The following GABRA4 variants were observed in gnomAD, a reference collection of about 807,000 sequenced individuals.
The protein encoded by GABRA4 is gamma-aminobutyric acid type A receptor subunit alpha4.
Under a neutral mutation model 49.7 loss-of-function variants are expected in GABRA4, and 12 were observed. The observed-to-expected ratio is 0.24, with a 90% CI of 0.15 to 0.39. GABRA4 has a LOEUF of 0.39. Among genes scored for constraint, GABRA4 ranks in the 10% least tolerant of loss-of-function variants. GABRA4 has a pLI of 1.00. For synonymous variants in GABRA4, 288 were observed against 240.2 expected, an observed-to-expected ratio of 1.20 and a Z score of -1.84; for missense variants, 506 against 686.0, an observed-to-expected ratio of 0.74 and a Z score of 2.93.
chr4:46,928,900 C>A, intron 8 of GABRA4, 145 bp from the exon 9 acceptor site: 4 of 586,856 alleles, frequency 6.8e-6, no homozygotes, highest in Non-Finnish European at 1.2e-5. Context: ...ATTTTAAAAA[C>A]CTTTAAAATA....
intron 2 of GABRA4, among the ~76,000 whole-genome samples, chr4:46,981,326 A>G (rs372590031): frequency 2.6e-5 from 4 of 152,120 alleles, no homozygotes; most frequent in African/African-American, 9.7e-5. Flanking sequence ...TAATTCTTAT[A>G]GTTCTATAGT....
intron 8 of GABRA4, among the ~76,000 whole-genome samples, chr4:46,958,435 T>C (rs183944638): frequency 8.2e-4 from 124 of 152,114 alleles, no homozygotes; most frequent in East Asian, 2.7e-3. Context: ...TTTAAAAATA[T>C]CATTTCATTA....
intron 8 of GABRA4, among the ~76,000 whole-genome samples, chr4:46,954,009 GC>G (rs150859520): frequency 0.014 from 2,069 of 152,176 alleles, 40 homozygotes; most frequent in African/African-American, 0.047. Context: ...ACCTTTCTGT[GC>G]CTCAATTTTC....
intron 5 of GABRA4, among the ~76,000 whole-genome samples, chr4:46,975,369 C>T (rs961207495): frequency 2.0e-5 from 3 of 151,968 alleles, no homozygotes; most frequent in African/African-American, 4.8e-5. Flanking sequence ...AATATATTCA[C>T]ACTTCAGTAA....
chr4:46,928,460 T>G lies in GABRA4; in HGVS notation c.1430A>C (p.His477Pro). ...KASVGSASTRHVFGSRLQRIK... is the reference protein window; with the variant it reads ...KASVGSASTRPVFGSRLQRIK... ...CCTCTGCAGTCTTGATCCAAACACG[T>G]GACGAGTAGAAGCAGATCCAACTGA... The change falls in exon 9 of 9, where the codon CAC (histidine) becomes CCC (proline). Residue 477 changes from histidine to proline, a missense_variant. His to Pro is a moderately conservative substitution (Grantham distance 77). Transcript: ENST00000264318. 1 of 1,613,654 alleles carries G rather than the reference T, an allele frequency of 6.2e-7. No homozygotes were observed. The highest frequency in any genetic ancestry group is 8.5e-7 in the Non-Finnish European group (1 of 1,179,722).
At chr4:46,946,177 G>A (rs983270800) in intron 8 of GABRA4, among the ~76,000 whole-genome samples, 1 of 152,130 alleles carries the variant, frequency 6.6e-6, no homozygotes, top group Non-Finnish European at 1.5e-5. Flanking sequence ...TGACCAGGCA[G>A]TCTCACTGAA....
At chr4:46,984,341 A>G (rs1488677651) in intron 2 of GABRA4, among the ~76,000 whole-genome samples, 1 of 152,102 alleles carries the variant, frequency 6.6e-6, no homozygotes, top group Non-Finnish European at 1.5e-5. Flanking sequence ...AAGGAATCCT[A>G]ACTGAAATAC....
intron 5 of GABRA4, among the ~76,000 whole-genome samples, chr4:46,974,835 C>A (rs1723084233): frequency 6.6e-6 from 1 of 151,910 alleles, no homozygotes; most frequent in Admixed American, 6.6e-5. Context: ...CAAAACCAAA[C>A]AAATCCTACT....
At chr4:46,955,386 T>C (rs1722304810) in intron 8 of GABRA4, among the ~76,000 whole-genome samples, 1 of 152,100 alleles carries the variant, frequency 6.6e-6, no homozygotes, top group Admixed American at 6.6e-5. Context: ...GTGACATTAT[T>C]GCCAATGATT....
intron 8 of GABRA4, among the ~76,000 whole-genome samples, chr4:46,953,279 G>T (rs1209540492): frequency 6.6e-6 from 1 of 151,860 alleles, no homozygotes; most frequent in Non-Finnish European, 1.5e-5. Flanking sequence ...ACCCCCTAAA[G>T]CTCAGCATGC....
At chr4:46,977,178 C>CT in intron 4 of GABRA4, 35 bp from the exon 5 acceptor site, 1 of 1,369,884 alleles carries the variant, frequency 7.3e-7, no homozygotes, top group Non-Finnish European at 1.0e-6. Flanking sequence ...AAAATCAACC[C>CT]TTTTAAAGAA....
chr4:46,967,094 C>T (rs984220401), intron 7 of GABRA4, among the ~76,000 whole-genome samples: 1 of 151,572 alleles, frequency 6.6e-6, no homozygotes, highest in African/African-American at 2.4e-5. Flanking sequence ...AAATGTTTTT[C>T]TTGTTCATAA....
At chr4:46,945,191 T>C (rs1053655750) in intron 8 of GABRA4, among the ~76,000 whole-genome samples, 6 of 152,118 alleles carry the variant, frequency 3.9e-5, no homozygotes, top group Non-Finnish European at 5.9e-5. Flanking sequence ...TAATGGACTG[T>C]TTAATGAGTC....
In GABRA4 at chr4:46,924,397, T is replaced by A. The variant is rs564066583; in HGVS notation, c.*3828A>T. On this transcript the variant is annotated 3_prime_UTR_variant, in exon 9 of 9. Transcript: ENST00000264318. ...TAGTTTTGGCCCTGCTGTATTCTAC[T>A]GAAGCATTAGTTACATCCCATAATT... 3 of 152,192 alleles carry A rather than the reference T, an allele frequency of 2.0e-5. No individual in the cohort carries two copies. The highest frequency in any genetic ancestry group is 7.2e-5 in the African/African-American group (3 of 41,546). 9.4% of individuals were successfully genotyped at this position (152,192 alleles called of 1,614,324 possible).
chr4:46,951,714 T>C, intron 8 of GABRA4, among the ~76,000 whole-genome samples: 1 of 151,902 alleles, frequency 6.6e-6, no homozygotes, highest in East Asian at 1.9e-4. Flanking sequence ...TATAATAAAA[T>C]ACTAGGAAAT....
At chr4:46,936,074 T>A (rs1437638761) in intron 8 of GABRA4, among the ~76,000 whole-genome samples, 1 of 152,174 alleles carries the variant, frequency 6.6e-6, no homozygotes, top group Non-Finnish European at 1.5e-5. Context: ...TCTTGAGTGA[T>A]TCTTTTGCAC....
At chr4:46,973,304 C>G (rs941453276) in intron 6 of GABRA4, among the ~76,000 whole-genome samples, 1 of 151,592 alleles carries the variant, frequency 6.6e-6, no homozygotes, top group Non-Finnish European at 1.5e-5. Context: ...GATGGTGGAG[C>G]CTTTATGAAT....
chr4:46,925,831 T>G lies in GABRA4; in HGVS notation c.*2394A>C, dbSNP rs1218134209. 1 of 150,286 alleles carries G rather than the reference T, an allele frequency of 6.7e-6. No individual in the cohort carries two copies. Among genetic ancestry groups the G allele is most frequent in the African/African-American group, 2.4e-5 (1 of 40,948 alleles). 9.3% of individuals were successfully genotyped at this position (150,286 alleles called of 1,614,324 possible). A position where few individuals can be genotyped will look rare whatever the true frequency, so the allele number is the denominator to read the frequency against. ...TAATGTTTAAGCTTTCTGGTTAATGTGTTCTTCAAATTAACAATTAAGAAT... is the reference window on the plus strand; with the variant it reads ...TAATGTTTAAGCTTTCTGGTTAATGGGTTCTTCAAATTAACAATTAAGAAT... On this transcript the variant is annotated 3_prime_UTR_variant, in exon 9 of 9. Coordinates refer to ENST00000264318, the MANE Select transcript of GABRA4 (RefSeq NM_000809.4).
In GABRA4 at chr4:46,923,435, C is replaced by G. The variant is rs1399791236; in HGVS notation, c.*4790G>C. ...AAACTCTGTCTTTTAATCAAGCAAT[C>G]TACTCTTCTAGACAAACATATCCAA... On this transcript the variant is annotated 3_prime_UTR_variant, in exon 9 of 9. Transcript: ENST00000264318. 3 of 151,958 alleles carry G rather than the reference C, an allele frequency of 2.0e-5. No individual in the cohort carries two copies. Among genetic ancestry groups the G allele is most frequent in the African/African-American group, 7.2e-5 (3 of 41,402 alleles). 9.4% of individuals were successfully genotyped at this position (151,958 alleles called of 1,614,324 possible). A position where few individuals can be genotyped will look rare whatever the true frequency, so the allele number is the denominator to read the frequency against.
Sources: allele counts gnomAD v4.1 joint callset (sites outside exome capture counted in the v4.1 genomes callset), GRCh38; gene constraint gnomAD v4.1.1; transcripts MANE v1.5; gene names NCBI Gene and HGNC (gene_info 2026-07-23, HGNC 2026-07-21).